Variants in LDLRAD4 observed in about 807,000 individuals in gnomAD.
The protein encoded by LDLRAD4 is low-density lipoprotein receptor class A domain-containing protein 4.
LDLRAD4 carries 5 observed loss-of-function variants against 17.0 expected under a neutral mutation model. The observed-to-expected ratio is 0.29, with a 90% CI of 0.15 to 0.62. The LOEUF is 0.62. Among genes scored for constraint, LDLRAD4 ranks in the 20% least tolerant of loss-of-function variants. LDLRAD4 has a pLI of 0.84. For missense variants in LDLRAD4, 340 were observed against 424.7 expected (o/e 0.80, Z 1.75); for synonymous variants, 168 against 171.8 (o/e 0.98, Z 0.17).
intron 2 of LDLRAD4, among the ~76,000 whole-genome samples, chr18:13,393,237 C>T (rs750424385): frequency 8.5e-5 from 13 of 152,190 alleles, no homozygotes; most frequent in Admixed American, 2.0e-4. Flanking sequence ...AGAGCTGTTC[C>T]TCCATAAAAG....
At chr18:13,401,461 T>C (rs1468795276) in intron 2 of LDLRAD4, among the ~76,000 whole-genome samples, 2 of 152,116 alleles carry the variant, frequency 1.3e-5, no homozygotes, top group Non-Finnish European at 2.9e-5. Flanking sequence ...CTTTATGTAT[T>C]TCCTGGCTCC....
rs374220115 is a variant in LDLRAD4 at position 13,300,467 on chromosome 18, G to A, written c.-383+22279G>A. Among the ~76,000 whole-genome samples the A allele has an allele frequency of 1.6e-4, 25 of 152,322 alleles. No homozygotes were observed. In the East Asian group the frequency reaches 1.9e-3, roughly 12 times the overall value. ...GTCAGCCATGACTGCTGCCCCAAGG[G>A]AGGCCTGCAATAAGGCACCCGGTGC... On this transcript the variant is annotated intron_variant, in intron 1 of 5. Coordinates refer to ENST00000359446, the Ensembl canonical transcript of LDLRAD4. This position sits in a 1 kb window ranked among gnomAD's most constrained non-coding sequence, Gnocchi z 4.2.
chr18:13,391,746 C>T (rs2086290381), intron 2 of LDLRAD4, among the ~76,000 whole-genome samples: 1 of 152,214 alleles, frequency 6.6e-6, no homozygotes, highest in Non-Finnish European at 1.5e-5. Flanking sequence ...TTTTAGTTTA[C>T]ATCCTTCCAG....
chr18:13,235,857 C>T (rs1026902092), intron 1 of LDLRAD4, among the ~76,000 whole-genome samples: 8 of 152,174 alleles, frequency 5.3e-5, no homozygotes, highest in Middle Eastern at 3.4e-3. Flanking sequence ...AACCTCCACC[C>T]GGAGAACAGA....
chr18:13,491,671 C>T (rs35757776), intron 3 of LDLRAD4: 20,766 of 152,086 alleles, frequency 0.14, 1,678 homozygotes, highest in East Asian at 0.24. Flanking sequence ...GGAGCAAGGA[C>T]GTTTGTATAT....
Position 13,631,882 on chromosome 18 carries a change from G to A in LDLRAD4, c.336+10611G>A, listed in dbSNP as rs1458300120. 3.3e-5 allele frequency among the ~76,000 whole-genome samples: 5 copies of A among 152,106 alleles called. No homozygotes were observed. The East Asian group carries it at 5.8e-4, about 18-fold the overall frequency. On this transcript the variant is annotated intron_variant, in intron 4 of 5. Coordinates refer to ENST00000359446, the Ensembl canonical transcript of LDLRAD4. The stretch of plus-strand genomic sequence containing the variant: ...GCGGAGGTTGCAGTGACCTGAGATC[G>A]TGCCACTGTACTCCAGCCTGGAAGA...
chr18:13,514,859 C>T (rs2093839442), intron 3 of LDLRAD4: 1 of 152,188 alleles, frequency 6.6e-6, no homozygotes, highest in Non-Finnish European at 1.5e-5. Flanking sequence ...AACGTCTCTG[C>T]TCAAACCCAC....
rs2040742751 is a variant in LDLRAD4 at position 13,622,473 on chromosome 18, C to A, written c.336+1202C>A. ...CCTTGACAGCCGTTTCCTCCTCTTG[C>A]CCCCTGCATCCTCTCTTGCCCCTTC... On this transcript the variant is annotated intron_variant, in intron 4 of 5. Coordinates refer to ENST00000359446, the Ensembl canonical transcript of LDLRAD4. The surrounding 1 kb of genome is among the most constrained non-coding windows in gnomAD (Gnocchi z 5.3). Among the ~76,000 whole-genome samples the A allele has an allele frequency of 6.6e-6, 1 of 152,132 alleles. No individual in the cohort carries two copies. Among genetic ancestry groups the A allele is most frequent in the South Asian group, 2.1e-4 (1 of 4,830 alleles).
At chr18:13,463,062 G>T (rs2092487404) in intron 3 of LDLRAD4, among the ~76,000 whole-genome samples, 1 of 152,176 alleles carries the variant, frequency 6.6e-6, no homozygotes, top group African/African-American at 2.4e-5. Flanking sequence ...TCCCGCTGGG[G>T]GGCCCGAGAC....
intron 1 of LDLRAD4, among the ~76,000 whole-genome samples, chr18:13,385,630 C>A (rs1273485883): frequency 6.6e-5 from 10 of 152,168 alleles, no homozygotes; most frequent in Admixed American, 6.6e-4. Flanking sequence ...CCAAAAGCAT[C>A]ATCGAAAAGG....
At chr18:13,378,405 G>A (rs2085087979) in intron 1 of LDLRAD4, among the ~76,000 whole-genome samples, 2 of 152,172 alleles carry the variant, frequency 1.3e-5, no homozygotes, top group South Asian at 4.1e-4. Context: ...TCTCAGGGCT[G>A]TGTGGAAGCT....
intron 1 of LDLRAD4, among the ~76,000 whole-genome samples, chr18:13,287,951 G>C (rs548195830): frequency 6.6e-6 from 1 of 152,294 alleles, no homozygotes; most frequent in South Asian, 2.1e-4. Flanking sequence ...TAGTAATTTG[G>C]GTGTTTAGGT....
At chr18:13,252,669 G>A (rs571146656) in intron 1 of LDLRAD4, among the ~76,000 whole-genome samples, 12 of 152,204 alleles carry the variant, frequency 7.9e-5, no homozygotes, top group African/African-American at 2.4e-4. Flanking sequence ...TGGGACTGCC[G>A]CAGATGTGAT....
At chr18:13,561,548 G>A (rs2094540788) in intron 3 of LDLRAD4, 1 of 152,230 alleles carries the variant, frequency 6.6e-6, no homozygotes, top group Non-Finnish European at 1.5e-5. Context: ...AGACCTTGAT[G>A]AGCAGTCATT....
intron 2 of LDLRAD4, among the ~76,000 whole-genome samples, chr18:13,434,268 G>T (rs1210527831): frequency 6.8e-6 from 1 of 147,810 alleles, no homozygotes. Flanking sequence ...TTTTTAATAA[G>T]AAATCAAATA....
At chr18:13,352,641 A>G (rs2083112557) in intron 1 of LDLRAD4, among the ~76,000 whole-genome samples, 1 of 151,982 alleles carries the variant, frequency 6.6e-6, no homozygotes, top group African/African-American at 2.4e-5. Context: ...AAGTTGAGAC[A>G]TTTTCTGCTA....
chr18:13,222,024 C>A (rs1234594864), intron 1 of LDLRAD4, among the ~76,000 whole-genome samples: 1 of 152,222 alleles, frequency 6.6e-6, no homozygotes, highest in Non-Finnish European at 1.5e-5. Context: ...CGGCAGCCTG[C>A]CAGACTCCAC....
intron 3 of LDLRAD4, among the ~76,000 whole-genome samples, chr18:13,563,460 G>A (rs574457783): frequency 1.3e-5 from 2 of 152,272 alleles, no homozygotes; most frequent in South Asian, 2.1e-4. Context: ...GCGATTTTCC[G>A]GATAGAGTAG....
intron 3 of LDLRAD4, among the ~76,000 whole-genome samples, chr18:13,586,515 G>GCTGTGC (rs2094937435): frequency 1.3e-5 from 2 of 151,458 alleles, no homozygotes; most frequent in African/African-American, 4.9e-5. Flanking sequence ...TATGACAGTC[G>GCTGTGC]CTGTGCCATT....
Sources: gnomAD v4.1 joint callset for allele counts (sites outside exome capture counted in the v4.1 genomes callset) on GRCh38, gnomAD v4.1.1 for gene constraint, Gnocchi (gnomAD v3.1) non-coding constraint, MANE v1.5 for transcripts, NCBI Gene and HGNC (gene_info 2026-07-23, HGNC 2026-07-21) for gene names.